RPN2: variants seen among roughly 807,000 people sequenced by gnomAD.
RPN2 encodes ribophorin II.
A neutral mutation model predicts 71.4 loss-of-function variants in RPN2; 29 were observed. The ratio of observed to expected loss-of-function variants is 0.41; its 90% CI spans 0.30 to 0.55. RPN2 has a LOEUF of 0.55. Ranked by LOEUF, RPN2 falls within the 20% of genes least tolerant of loss-of-function variation. RPN2 has a pLI of 0.35. For synonymous variants in RPN2, 308 were observed against 305.0 expected (o/e 1.01, Z -0.10); for missense variants, 726 against 774.1 (o/e 0.94, Z 0.74).
At chr20:37,180,845 C>T (rs2066849619) in intron 1 of RPN2, among the ~76,000 whole-genome samples, 1 of 152,178 alleles carries the variant, frequency 6.6e-6, no homozygotes, top group African/African-American at 2.4e-5. Flanking sequence ...GTCCTTGCAC[C>T]TGCATGGTCT....
At chr20:37,209,159 A>T (rs1227285608) in intron 7 of RPN2, among the ~76,000 whole-genome samples, 1 of 152,188 alleles carries the variant, frequency 6.6e-6, no homozygotes, top group Non-Finnish European at 1.5e-5. Flanking sequence ...TGCAATAAGG[A>T]TTATTCTATC....
At chr20:37,203,553 G>T (rs1261319341) in intron 4 of RPN2, among the ~76,000 whole-genome samples, 1 of 151,978 alleles carries the variant, frequency 6.6e-6, no homozygotes, top group Non-Finnish European at 1.5e-5. Flanking sequence ...TCTTACCCAG[G>T]CTGGTCTTGA....
Position 37,200,199 on chromosome 20 carries a change from G to A in RPN2, c.479+974G>A, listed in dbSNP as rs6032012. On this transcript the variant is annotated intron_variant, in intron 4 of 16. Coordinates refer to ENST00000237530, the MANE Select transcript of RPN2 (RefSeq NM_002951.5). ...GTAGAGACAGGGTTTCACCATGTTG[G>A]CCAGGTCTTGAACTCCTGACCTCAA... Among the ~76,000 whole-genome samples, 744 of 152,154 alleles carry A rather than the reference G, an allele frequency of 4.9e-3. 8 individuals are homozygous for A. The highest frequency in any genetic ancestry group is 0.017 in the African/African-American group (706 of 41,496).
At position 37,223,969 on chromosome 20, in the gene RPN2, G is replaced by A. The variant is rs372015507; in HGVS notation, c.1184G>A (p.Arg395Gln). 3 of 1,613,518 alleles carry A rather than the reference G, an allele frequency of 1.9e-6. No homozygotes were observed. The highest frequency in any genetic ancestry group is 2.5e-6 in the Non-Finnish European group (3 of 1,179,526). ...CAGAGCATTGCACCCAAAACTACCC[G>A]GTAGGTGAGATGCCACCTGATCACT... ...KDQSIAPKTT[R>Q]VTYPAKAKGT... The change falls in exon 10 of 17, where the codon CGG becomes CAG. Residue 395 changes from arginine to glutamine, a missense_variant and splice_region_variant. By Grantham distance (43) the Arg-to-Gln change is conservative (BLOSUM62 1). Coordinates refer to ENST00000237530, the MANE Select transcript of RPN2 (RefSeq NM_002951.5).
intron 4 of RPN2, among the ~76,000 whole-genome samples, 159 bp downstream of exon 4, chr20:37,199,384 T>C (rs1439830125): frequency 6.6e-6 from 1 of 152,236 alleles, no homozygotes; most frequent in Non-Finnish European, 1.5e-5. Flanking sequence ...CATGATTGCA[T>C]GAAGGCAAGT....
chr20:37,237,671 C>T (rs536809143), intron 16 of RPN2, among the ~76,000 whole-genome samples: 2 of 152,158 alleles, frequency 1.3e-5, no homozygotes, highest in African/African-American at 4.8e-5. Context: ...CTGTAGGAAT[C>T]CAGGGCCCAC....
intron 11 of RPN2, among the ~76,000 whole-genome samples, chr20:37,227,322 A>G (rs1387835667): frequency 6.6e-6 from 1 of 152,262 alleles, no homozygotes; most frequent in East Asian, 1.9e-4. Context: ...TTAGTGAGGA[A>G]GTGTAACTTT....
rs545322437 is a variant in RPN2, at chr20:37,188,813, C to T, written c.207+4440C>T. Among the ~76,000 whole-genome samples the T allele has an allele frequency of 4.0e-5, 6 of 150,606 alleles. No homozygotes were observed. The South Asian group carries it at 6.3e-4, about 16-fold the overall frequency. ...TTTTTTTTTTTAATATTTGTAGAGA[C>T]GGTGTTGCCATGTTGCCCAGGGTTG... On this transcript the variant is annotated intron_variant, in intron 2 of 16. Transcript: ENST00000237530.
At chr20:37,179,525 G>A (rs1484947322) in intron 1 of RPN2, 156 bp downstream of exon 1, 1 of 1,405,932 alleles carries the variant, frequency 7.1e-7, no homozygotes, top group East Asian at 2.7e-5. Flanking sequence ...AGGGTCCGAA[G>A]GAGGGCTGCG....
intron 2 of RPN2, among the ~76,000 whole-genome samples, chr20:37,189,438 A>G (rs1289325619): frequency 6.6e-6 from 1 of 152,148 alleles, no homozygotes; most frequent in African/African-American, 2.4e-5. Context: ...TAGACTGGCC[A>G]GAAAGCCTAA....
At chr20:37,235,477 T>C (rs2146709063) in intron 15 of RPN2, among the ~76,000 whole-genome samples, 1 of 152,288 alleles carries the variant, frequency 6.6e-6, no homozygotes, top group East Asian at 1.9e-4. Flanking sequence ...GGGCAGGGCC[T>C]GGACCAGGCC....
At chr20:37,228,948 A>T (rs1232378342) in intron 12 of RPN2, among the ~76,000 whole-genome samples, 1 of 136,870 alleles carries the variant, frequency 7.3e-6, no homozygotes, top group African/African-American at 2.9e-5. Context: ...CGTGCTTAAT[A>T]AATATTAAGT....
chr20:37,232,469 T>TG (rs1440394433), intron 14 of RPN2, 78 bp downstream of exon 14: 1 of 1,540,808 alleles, frequency 6.5e-7, no homozygotes, highest in African/African-American at 1.4e-5. Context: ...AAGGAGGCTG[T>TG]GTTGTCTGGC....
chr20:37,222,160 T>A (rs2067974418), intron 9 of RPN2, among the ~76,000 whole-genome samples: 1 of 152,210 alleles, frequency 6.6e-6, no homozygotes. Flanking sequence ...TGTAACGCTG[T>A]TAACTCAGCA....
At chr20:37,213,666 G>A (rs1429998601) in intron 8 of RPN2, 94 bp from the exon 9 acceptor site, 2 of 947,192 alleles carry the variant, frequency 2.1e-6, no homozygotes, top group Non-Finnish European at 3.4e-6. Context: ...GGCTAGCCTT[G>A]GACAGTCTCC....
intron 16 of RPN2, 37 bp from the exon 17 acceptor site, chr20:37,241,266 C>T (rs1180117750): frequency 1.2e-6 from 2 of 1,611,106 alleles, no homozygotes; most frequent in Non-Finnish European, 1.7e-6. Flanking sequence ...GAACTGAAAC[C>T]TTCAGTAATT....
At chr20:37,238,162 G>GT (rs1362429075) in intron 16 of RPN2, among the ~76,000 whole-genome samples, 1 of 152,160 alleles carries the variant, frequency 6.6e-6, no homozygotes, top group Non-Finnish European at 1.5e-5. Context: ...AGAGACTATG[G>GT]TTTTTATCAG....
intron 2 of RPN2, among the ~76,000 whole-genome samples, chr20:37,187,889 C>T (rs1600737894): frequency 6.6e-6 from 1 of 152,126 alleles, no homozygotes; most frequent in South Asian, 2.1e-4. Flanking sequence ...GTGATTTGCC[C>T]TCCTCGGCCT....
chr20:37,208,907 C>A (rs2067586271), intron 7 of RPN2, among the ~76,000 whole-genome samples: 1 of 152,172 alleles, frequency 6.6e-6, no homozygotes, highest in African/African-American at 2.4e-5. Context: ...TGAGCGAGTA[C>A]CCTGTTCTTC....
Sources: allele counts gnomAD v4.1 joint callset (sites outside exome capture counted in the v4.1 genomes callset), GRCh38; gene constraint gnomAD v4.1.1; transcripts MANE v1.5; gene names NCBI Gene and HGNC (gene_info 2026-07-23, HGNC 2026-07-21).